AKAP19: variants seen among roughly 807,000 people sequenced by gnomAD.
AKAP19 encodes A-kinase anchoring protein 19.
chr2:190,123,145 G>A, the AKAP19 span, among the ~76,000 whole-genome samples: 2 of 152,002 alleles, frequency 1.3e-5, no homozygotes, highest in African/African-American at 4.8e-5. Context: ...TATAGCATAA[G>A]AACTTGAATA....
chr2:189,968,908 A>AT, the AKAP19 span, among the ~76,000 whole-genome samples: 1 of 152,130 alleles, frequency 6.6e-6, no homozygotes, highest in East Asian at 1.9e-4. Context: ...AATATTTCCT[A>AT]TAGTATAATA....
the AKAP19 span, among the ~76,000 whole-genome samples, chr2:189,934,699 A>G: frequency 3.3e-5 from 5 of 151,372 alleles, no homozygotes; most frequent in African/African-American, 1.2e-4. Flanking sequence ...TTTTTTCTAT[A>G]ATTAATACTA....
chr2:190,170,297 G>C, the AKAP19 span, among the ~76,000 whole-genome samples: 8 of 152,248 alleles, frequency 5.3e-5, no homozygotes, highest in South Asian at 4.1e-4. Flanking sequence ...TTGGGAGCAG[G>C]GGGGAACACA....
At chr2:190,069,986 T>C in the AKAP19 span, among the ~76,000 whole-genome samples, 1 of 152,234 alleles carries the variant, frequency 6.6e-6, no homozygotes, top group Non-Finnish European at 1.5e-5. Flanking sequence ...GCAAAGGCAA[T>C]TTACAGTGAA....
chr2:190,082,992 A>G, the AKAP19 span, among the ~76,000 whole-genome samples: 1 of 152,220 alleles, frequency 6.6e-6, no homozygotes, highest in Non-Finnish European at 1.5e-5. Flanking sequence ...TGATGTTTTG[A>G]TATATGCATA....
At chr2:190,060,136 T>C in the AKAP19 span, 15 of 1,612,968 alleles carry the variant, frequency 9.3e-6, no homozygotes, top group Non-Finnish European at 1.2e-5. Flanking sequence ...TTTATTTCAA[T>C]GCCTAAGTTG....
chr2:190,153,887 T>C, the AKAP19 span, among the ~76,000 whole-genome samples: 1 of 152,322 alleles, frequency 6.6e-6, no homozygotes, highest in Admixed American at 6.5e-5. Context: ...ATCAATGTTA[T>C]AACTTATAGT....
At chr2:189,910,104 C>T in the AKAP19 span, among the ~76,000 whole-genome samples, 1 of 151,746 alleles carries the variant, frequency 6.6e-6, no homozygotes, top group Admixed American at 6.6e-5. Context: ...ATTGATGGGG[C>T]AGACATTTAC....
the AKAP19 span, among the ~76,000 whole-genome samples, chr2:190,099,945 G>A: frequency 2.4e-3 from 360 of 152,242 alleles, 1 homozygote; most frequent in African/African-American, 8.2e-3. Context: ...GAATTAAAAA[G>A]GAAACTTCAA....
At chr2:190,198,669 A>T in the AKAP19 span, among the ~76,000 whole-genome samples, 1 of 151,330 alleles carries the variant, frequency 6.6e-6, no homozygotes, top group Non-Finnish European at 1.5e-5. Flanking sequence ...GTTTTCAGAA[A>T]CAGATTTTAT....
At chr2:190,144,982 A>G in the AKAP19 span, among the ~76,000 whole-genome samples, 1 of 150,852 alleles carries the variant, frequency 6.6e-6, no homozygotes. Flanking sequence ...GTCTCAAAAA[A>G]AAAATTATTC....
chr2:190,088,528 A>G, the AKAP19 span, among the ~76,000 whole-genome samples: 2 of 152,234 alleles, frequency 1.3e-5, no homozygotes, highest in Admixed American at 6.5e-5. Flanking sequence ...GAGATGTGGA[A>G]CATAGGTAAC....
the AKAP19 span, among the ~76,000 whole-genome samples, chr2:190,176,101 A>T: frequency 2.0e-5 from 3 of 152,252 alleles, no homozygotes; most frequent in South Asian, 4.1e-4. The surrounding 1 kb of genome is among the most constrained non-coding windows in gnomAD (Gnocchi z 4.7). Context: ...TGTCTTAGGT[A>T]TTCTGTCACA....
chr2:189,893,635 G>A, the AKAP19 span, among the ~76,000 whole-genome samples: 1 of 152,176 alleles, frequency 6.6e-6, no homozygotes, highest in South Asian at 2.1e-4. Flanking sequence ...GATCTCACTG[G>A]GAGCTGCAGA....
the AKAP19 span, chr2:189,923,230 A>G: frequency 1.8e-6 from 2 of 1,105,924 alleles, no homozygotes; most frequent in Non-Finnish European, 2.6e-6. Context: ...CTCCAGCAGC[A>G]GTCGGCTTCT....
the AKAP19 span, among the ~76,000 whole-genome samples, chr2:190,144,029 G>A: frequency 9.2e-6 from 1 of 108,850 alleles, no homozygotes; most frequent in African/African-American, 3.4e-5. Context: ...GGTGGGGTGG[G>A]GGGAGGGGGG....
chr2:190,161,682 A>G, the AKAP19 span, among the ~76,000 whole-genome samples: 1 of 152,214 alleles, frequency 6.6e-6, no homozygotes, highest in African/African-American at 2.4e-5. Flanking sequence ...ATGCAGAAGC[A>G]GGAACTGAGG....
At chr2:190,038,974 C>CT in the AKAP19 span, among the ~76,000 whole-genome samples, 85 of 126,048 alleles carry the variant, frequency 6.7e-4, 1 homozygote, top group East Asian at 1.6e-3. Context: ...CTTCTTCTTT[C>CT]TTCTTCTTCT....
the AKAP19 span, among the ~76,000 whole-genome samples, chr2:189,895,239 C>T: frequency 6.6e-6 from 1 of 152,082 alleles, no homozygotes; most frequent in Non-Finnish European, 1.5e-5. Context: ...CACGAAACTT[C>T]CACCGTTTTC....
Sources: gnomAD v4.1 joint callset for allele counts (sites outside exome capture counted in the v4.1 genomes callset) on GRCh38, gnomAD v4.1.1 for gene constraint, Gnocchi (gnomAD v3.1) non-coding constraint, MANE v1.5 for transcripts, NCBI Gene and HGNC (gene_info 2026-07-23, HGNC 2026-07-21) for gene names.